SH3D19: variants seen among roughly 807,000 people sequenced by gnomAD.
SH3D19 encodes SH3 domain containing 19.
In SH3D19, 58 loss-of-function variants were observed where a neutral mutation model predicts 112.1. The observed-to-expected ratio is 0.52, with a 90% CI of 0.42 to 0.64. The LOEUF (loss-of-function observed/expected upper bound fraction) is 0.64. Ranked by LOEUF, SH3D19 falls within the 30% of genes least tolerant of loss-of-function variation. The probability of loss-of-function intolerance (pLI) is 0.00; values close to 1 mark genes in which losing one functional copy is unlikely to be tolerated. For missense variants in SH3D19, 1,090 were observed against 1,263.4 expected (o/e 0.86, Z 2.08); for synonymous variants, 391 against 448.5 (o/e 0.87, Z 1.62).
At chr4:151,291,110 T>G (rs202015496) in intron 1 of SH3D19, 52 of 1,597,356 alleles carry the variant, frequency 3.3e-5, no homozygotes, top group Non-Finnish European at 4.1e-5. Context: ...CTTTCATTTC[T>G]TCCTTAGGGT....
chr4:151,159,625 T>A (rs998884182), intron 8 of SH3D19, among the ~76,000 whole-genome samples: 3 of 152,214 alleles, frequency 2.0e-5, no homozygotes, highest in African/African-American at 4.8e-5. Context: ...GTGCCAGGAA[T>A]TAAGTTAGGC....
intron 4 of SH3D19, 122 bp from the exon 5 acceptor site, chr4:151,177,077 C>G: frequency 1.2e-6 from 1 of 822,362 alleles, no homozygotes; most frequent in East Asian, 3.4e-5. Flanking sequence ...CTAACACAGT[C>G]ACAGAAATGA....
At chr4:151,169,201 C>CT (rs998341068) in intron 7 of SH3D19, among the ~76,000 whole-genome samples, 15 of 152,238 alleles carry the variant, frequency 9.9e-5, no homozygotes, top group African/African-American at 3.4e-4. Context: ...CTTACTCACT[C>CT]TCTCATTTTT....
intron 1 of SH3D19, among the ~76,000 whole-genome samples, chr4:151,230,598 T>A (rs1366079786): frequency 8.3e-6 from 1 of 120,342 alleles, no homozygotes; most frequent in Non-Finnish European, 1.7e-5. Flanking sequence ...AAAGTGAGTC[T>A]TTTTTTTTTT....
In SH3D19 at chr4:151,214,657, C is replaced by G. The variant is rs76720197; in HGVS notation, c.152+11390G>C. The stretch of plus-strand genomic sequence containing the variant: ...GGGCTGACCCCCCCCACCTCCCTCC[C>G]GGAAGGGGCGGCTGGCCGGGCAGAG... On this transcript the variant is annotated intron_variant, in intron 2 of 19. Transcript: ENST00000604030. Among the ~76,000 whole-genome samples, 54 of 108,442 alleles carry G rather than the reference C, an allele frequency of 5.0e-4. 2 individuals carry two copies. The highest frequency in any genetic ancestry group is 9.7e-4 in the Non-Finnish European group (45 of 46,624). 71.1% of individuals were successfully genotyped at this position (108,442 alleles called of 152,430 possible).
intron 9 of SH3D19, among the ~76,000 whole-genome samples, chr4:151,150,991 C>G (rs1158143591): frequency 7.2e-6 from 1 of 138,528 alleles, no homozygotes; most frequent in Non-Finnish European, 1.5e-5. Context: ...GACAGAGTCT[C>G]ACTCTGTCCC....
At chr4:151,167,322 T>A (rs1758214251) in intron 7 of SH3D19, among the ~76,000 whole-genome samples, 1 of 149,000 alleles carries the variant, frequency 6.7e-6, no homozygotes, top group Admixed American at 6.6e-5. Context: ...TAATAGTACT[T>A]TTTTTACTTC....
intron 1 of SH3D19, chr4:151,282,545 A>G: frequency 1.2e-6 from 1 of 867,908 alleles, no homozygotes; most frequent in South Asian, 2.1e-5. Flanking sequence ...GATATTATCT[A>G]TAAGTTTTTA....
intron 1 of SH3D19, among the ~76,000 whole-genome samples, chr4:151,287,009 T>TAAC (rs896036714): frequency 6.7e-6 from 1 of 148,188 alleles, no homozygotes; most frequent in East Asian, 2.0e-4. Context: ...ATAATAATAA[T>TAAC]AGTAATTAAT....
intron 2 of SH3D19, among the ~76,000 whole-genome samples, chr4:151,197,050 A>G (rs1028689716): frequency 6.6e-6 from 1 of 152,192 alleles, no homozygotes; most frequent in Non-Finnish European, 1.5e-5. Context: ...GCTAGTGGGA[A>G]TGTAAACTAG....
At chr4:151,167,871 G>C (rs868299576) in intron 7 of SH3D19, among the ~76,000 whole-genome samples, 2 of 150,612 alleles carry the variant, frequency 1.3e-5, no homozygotes. Flanking sequence ...AGTGAGGAGC[G>C]CCTCTTACCG....
intron 1 of SH3D19, among the ~76,000 whole-genome samples, chr4:151,323,126 A>T (rs1020597658): frequency 3.9e-5 from 6 of 152,200 alleles, no homozygotes; most frequent in Admixed American, 2.0e-4. Flanking sequence ...GTAAGTTACA[A>T]AAATAAATAA....
At chr4:151,173,091 G>A (rs962289043) in intron 7 of SH3D19, among the ~76,000 whole-genome samples, 2 of 152,170 alleles carry the variant, frequency 1.3e-5, no homozygotes, top group African/African-American at 2.4e-5. Context: ...CCTTTTTGAA[G>A]ATGACTATAA....
rs778098061 is a variant in SH3D19 at position 151,279,861 on chromosome 4, C to A, written c.112+45380G>T. 8.6e-6 allele frequency: 13 copies of A among 1,508,244 alleles called. No individual in the cohort carries two copies. The South Asian group carries it at 1.2e-4, about 14-fold the overall frequency. 93.4% of individuals were successfully genotyped at this position (1,508,244 alleles called of 1,614,324 possible). ...CCAGGATGCTGCTGCAGGGCGCTGGCCTTGGCAGGTCAGCCTACACTTTGA... is the reference window on the plus strand; with the variant it reads ...CCAGGATGCTGCTGCAGGGCGCTGGACTTGGCAGGTCAGCCTACACTTTGA... On this transcript the variant is annotated intron_variant, in intron 1 of 19. Transcript: ENST00000604030.
At chr4:151,284,108 C>A (rs1386980670) in intron 1 of SH3D19, among the ~76,000 whole-genome samples, 1 of 152,084 alleles carries the variant, frequency 6.6e-6, no homozygotes, top group East Asian at 1.9e-4. Context: ...TAAATCTATT[C>A]TTTAACATAT....
At chr4:151,223,709 G>C (rs996705894) in intron 2 of SH3D19, among the ~76,000 whole-genome samples, 1 of 152,116 alleles carries the variant, frequency 6.6e-6, no homozygotes, top group African/African-American at 2.4e-5. Flanking sequence ...CCTCACACCA[G>C]TCTTCCTATG....
At chr4:151,158,682 C>CAAAAAAA (rs200621199) in intron 9 of SH3D19, among the ~76,000 whole-genome samples, 1 of 85,166 alleles carries the variant, frequency 1.2e-5, no homozygotes, top group African/African-American at 3.9e-5. Context: ...GTTGGAAGAC[C>CAAAAAAA]AAAAAAAAAA....
At chr4:151,150,423 T>G (rs1472448090) in intron 9 of SH3D19, among the ~76,000 whole-genome samples, 1 of 150,244 alleles carries the variant, frequency 6.7e-6, no homozygotes, top group East Asian at 1.9e-4. Flanking sequence ...AAACACATAG[T>G]AAGAGGGATG....
chr4:151,126,401 G>A (rs1561186615), intron 19 of SH3D19, among the ~76,000 whole-genome samples: 1 of 152,150 alleles, frequency 6.6e-6, no homozygotes, highest in Non-Finnish European at 1.5e-5. Context: ...TATTTTGACA[G>A]CAGTGACTAC....
Sources: gnomAD v4.1 joint callset for allele counts (sites outside exome capture counted in the v4.1 genomes callset) on GRCh38, gnomAD v4.1.1 for gene constraint, MANE v1.5 for transcripts, NCBI Gene and HGNC (gene_info 2026-07-23, HGNC 2026-07-21) for gene names.